FAM13A: variants seen among roughly 807,000 people sequenced by gnomAD.
FAM13A encodes family with sequence similarity 13 member A.
Under a neutral mutation model 129.6 loss-of-function variants are expected in FAM13A, and 76 were observed. That is an observed-to-expected ratio of 0.59 (90% CI 0.49 to 0.71). The LOEUF (loss-of-function observed/expected upper bound fraction) is 0.71, where lower values mean the gene tolerates loss of function less well. Among genes scored for constraint, FAM13A ranks in the 30% least tolerant of loss-of-function variants. The pLI is 0.00. For missense variants in FAM13A, 1,108 were observed against 1,249.3 expected, an observed-to-expected ratio of 0.89 and a Z score of 1.70; for synonymous variants, 443 against 449.9, an observed-to-expected ratio of 0.98 and a Z score of 0.20.
intron 2 of FAM13A, among the ~76,000 whole-genome samples, chr4:89,026,492 G>A (rs561135974): frequency 6.6e-6 from 1 of 152,306 alleles, no homozygotes; most frequent in South Asian, 2.1e-4. Flanking sequence ...CTGAGAGTGG[G>A]TAATTTATAA....
intron 7 of FAM13A, chr4:88,823,404 G>A: frequency 1.2e-6 from 1 of 863,418 alleles, no homozygotes; most frequent in Non-Finnish European, 1.4e-6. Context: ...CTCTCCTCCT[G>A]CTCCTGCTCC....
At chr4:89,054,410 A>G (rs1047189205) in intron 1 of FAM13A, among the ~76,000 whole-genome samples, 1 of 152,164 alleles carries the variant, frequency 6.6e-6, no homozygotes, top group Non-Finnish European at 1.5e-5. Flanking sequence ...ACATATATGT[A>G]TAAGTATGTA....
At chr4:88,976,499 T>C (rs557003953) in intron 4 of FAM13A, among the ~76,000 whole-genome samples, 1 of 152,228 alleles carries the variant, frequency 6.6e-6, no homozygotes, top group South Asian at 2.1e-4. Flanking sequence ...GTATATTTCT[T>C]CCTATACAGT....
At chr4:89,025,067 T>G (rs1294622643) in intron 2 of FAM13A, among the ~76,000 whole-genome samples, 1 of 152,060 alleles carries the variant, frequency 6.6e-6, no homozygotes, top group East Asian at 1.9e-4. Flanking sequence ...TAATTTAAAT[T>G]TTGTCAAAAT....
At chr4:89,025,303 G>T in intron 2 of FAM13A, among the ~76,000 whole-genome samples, 1 of 129,402 alleles carries the variant, frequency 7.7e-6, no homozygotes, top group East Asian at 2.1e-4. Flanking sequence ...TGTCGCCCAG[G>T]CCGGACTGCG....
intron 2 of FAM13A, among the ~76,000 whole-genome samples, chr4:89,025,473 C>T (rs1365690069): frequency 1.3e-5 from 2 of 151,122 alleles, no homozygotes; most frequent in East Asian, 3.9e-4. Context: ...ACCTTGTTAG[C>T]CAGGATGGTC....
chr4:89,030,978 G>A (rs1455089378), intron 1 of FAM13A, among the ~76,000 whole-genome samples: 1 of 151,972 alleles, frequency 6.6e-6, no homozygotes, highest in East Asian at 1.9e-4. Context: ...TTTCTCCAGT[G>A]AAATTTCAGC....
At chr4:88,925,884 G>T (rs1456964188) in intron 5 of FAM13A, among the ~76,000 whole-genome samples, 1 of 152,048 alleles carries the variant, frequency 6.6e-6, no homozygotes, top group African/African-American at 2.4e-5. Context: ...AGGAGATGAG[G>T]ATTAACTGTA....
intron 7 of FAM13A, among the ~76,000 whole-genome samples, chr4:88,825,139 ATTTCTCCTG>A (rs1732747781): frequency 6.6e-6 from 1 of 151,998 alleles, no homozygotes; most frequent in Admixed American, 6.6e-5. Flanking sequence ...TGGAATCGGA[ATTTCTCCTG>A]TCTATTCTGG....
Position 88,878,125 on chromosome 4 carries a change from TA to T in FAM13A, c.844-26943del, listed in dbSNP as rs1171190924. On this transcript the variant is annotated intron_variant, in intron 6 of 23. Transcript: ENST00000264344. ...TAACACGGTGAAACCCCGTCTCTAC[TA>T]AAAAATACAAAAAATTAGCCAGGCG... Among the ~76,000 whole-genome samples the T allele has an allele frequency of 4.2e-4, 63 of 151,608 alleles. 1 individual carries two copies. Among genetic ancestry groups the T allele is most frequent in the African/African-American group, 1.3e-3 (55 of 41,356 alleles).
At chr4:88,988,179 A>G (rs1004617339) in intron 4 of FAM13A, among the ~76,000 whole-genome samples, 2 of 151,616 alleles carry the variant, frequency 1.3e-5, no homozygotes, top group South Asian at 4.2e-4. Flanking sequence ...AATGTGGTTG[A>G]AAAAAAAAGT....
intron 1 of FAM13A, among the ~76,000 whole-genome samples, chr4:89,034,118 A>C (rs1179576031): frequency 6.6e-6 from 1 of 152,216 alleles, no homozygotes; most frequent in Admixed American, 6.5e-5. Context: ...GCACAGCAAA[A>C]GAAACTATCA....
intron 7 of FAM13A, among the ~76,000 whole-genome samples, chr4:88,842,155 C>T (rs2149940147): frequency 6.6e-6 from 1 of 152,200 alleles, no homozygotes; most frequent in African/African-American, 2.4e-5. Context: ...AAGAGAGACA[C>T]AAAAGAACAC....
intron 6 of FAM13A, among the ~76,000 whole-genome samples, chr4:88,897,366 T>C (rs1242871395): frequency 1.3e-5 from 2 of 152,198 alleles, no homozygotes; most frequent in Admixed American, 6.5e-5. Context: ...CACTGTGTAA[T>C]AGATGTATCA....
At chr4:88,758,469 A>C (rs1006313701) in intron 14 of FAM13A, among the ~76,000 whole-genome samples, 4 of 151,616 alleles carry the variant, frequency 2.6e-5, no homozygotes, top group Non-Finnish European at 5.9e-5. Context: ...AGACATACAC[A>C]TATCAGCACT....
At chr4:88,954,956 C>T (rs1194054924) in intron 4 of FAM13A, among the ~76,000 whole-genome samples, 1 of 151,944 alleles carries the variant, frequency 6.6e-6, no homozygotes, top group Non-Finnish European at 1.5e-5. Flanking sequence ...ATTCCCACCA[C>T]CAGCATTTCC....
chr4:88,793,456 G>T (rs939190835), intron 8 of FAM13A, among the ~76,000 whole-genome samples: 4 of 151,946 alleles, frequency 2.6e-5, no homozygotes, highest in African/African-American at 9.7e-5. Flanking sequence ...GTTTTTAATA[G>T]TCCTTTGGAA....
At chr4:88,765,189 C>T (rs921970386) in intron 13 of FAM13A, among the ~76,000 whole-genome samples, 4 of 152,090 alleles carry the variant, frequency 2.6e-5, no homozygotes, top group Admixed American at 1.3e-4. Context: ...CTCATTCTAA[C>T]GGGAATAGTA....
At chr4:88,785,857 G>T (rs1049675325) in intron 10 of FAM13A, among the ~76,000 whole-genome samples, 1 of 152,134 alleles carries the variant, frequency 6.6e-6, no homozygotes, top group African/African-American at 2.4e-5. Flanking sequence ...GCCAGGTTAG[G>T]TACTGTTTGT....
Sources: allele counts gnomAD v4.1 joint callset (sites outside exome capture counted in the v4.1 genomes callset), GRCh38; gene constraint gnomAD v4.1.1; transcripts MANE v1.5; gene names NCBI Gene and HGNC (gene_info 2026-07-23, HGNC 2026-07-21).